The following DGKH variants were observed in gnomAD, a reference collection of about 807,000 sequenced individuals.
The protein encoded by DGKH is DAG kinase eta.
A neutral mutation model predicts 159.3 loss-of-function variants in DGKH; 90 were observed. The observed-to-expected ratio is 0.57, with a 90% CI of 0.48 to 0.67. DGKH has a LOEUF of 0.67. Among genes scored for constraint, DGKH ranks in the 30% least tolerant of loss-of-function variants. The pLI, the probability that DGKH is intolerant of heterozygous loss-of-function variation, is 0.00. For synonymous variants in DGKH, 536 were observed against 553.8 expected (o/e 0.97, Z 0.45); for missense variants, 1,181 against 1,506.1 (o/e 0.78, Z 3.57).
At chr13:42,101,879 AGT>A (rs1308314664) in intron 1 of DGKH, among the ~76,000 whole-genome samples, 5 of 152,172 alleles carry the variant, frequency 3.3e-5, no homozygotes, top group African/African-American at 1.2e-4. Context: ...TTGGAAGAAG[AGT>A]GTGTAGGAAG....
chr13:42,184,558 G>T (rs1380557126), intron 13 of DGKH, among the ~76,000 whole-genome samples: 1 of 152,080 alleles, frequency 6.6e-6, no homozygotes, highest in Non-Finnish European at 1.5e-5. Context: ...TAAAATGTTG[G>T]AAATGCCAAA....
chr13:42,238,326 C>T lies in DGKH; in HGVS notation c.*9138C>T, dbSNP rs554098637. ...AAGTTAAAATTAGTAGCATTTGTACCAGAGTAGATTATGGGTATTTTCATC... is the reference window on the plus strand; with the variant it reads ...AAGTTAAAATTAGTAGCATTTGTACTAGAGTAGATTATGGGTATTTTCATC... On this transcript the variant is annotated 3_prime_UTR_variant, in exon 30 of 30. Transcript: ENST00000337343. The T allele has an allele frequency of 2.7e-4, 41 of 152,016 alleles. No individual in the cohort carries two copies. Among genetic ancestry groups the T allele is most frequent in the African/African-American group, 9.2e-4 (38 of 41,486 alleles). 9.4% of individuals were successfully genotyped at this position (152,016 alleles called of 1,614,324 possible).
Position 42,159,263 on chromosome 13 carries a change from T to TTTTTTTTTTTTGTTTTTAA in DGKH, c.623-3_623-2insTTTTTTTTTTTGTTTTTAA. On this transcript the variant is annotated splice_polypyrimidine_tract_variant and splice_region_variant and intron_variant, in intron 5 of 29. Coordinates refer to ENST00000337343, the MANE Select transcript of DGKH (RefSeq NM_178009.5). Reference sequence around the variant, plus strand: ...GTTGCTCTTTTTTTTTTTTTTTTTTTAGTGTGTAAATTCAAGGCTCACAAA... The same window carrying TTTTTTTTTTTTGTTTTTAA: ...GTTGCTCTTTTTTTTTTTTTTTTTTTTTTTTTTTTTTGTTTTTAAAGTGTGTAAATTCAAGGCTCACAAA... 1 of 1,249,720 alleles carries TTTTTTTTTTTTGTTTTTAA rather than the reference T, an allele frequency of 8.0e-7. No individual in the cohort carries two copies. The highest frequency in any genetic ancestry group is 1.1e-6 in the Non-Finnish European group (1 of 894,574). 77.4% of individuals were successfully genotyped at this position (1,249,720 alleles called of 1,614,324 possible). A position where few individuals can be genotyped will look rare whatever the true frequency, so the allele number is the denominator to read the frequency against.
chr13:42,184,287 C>G (rs1956851671), intron 13 of DGKH, among the ~76,000 whole-genome samples: 1 of 152,068 alleles, frequency 6.6e-6, no homozygotes, highest in African/African-American at 2.4e-5. Flanking sequence ...GTCTGGGTAC[C>G]ATTGCCATAT....
At position 42,219,286 on chromosome 13, in the gene DGKH, G is replaced by C; in HGVS notation, c.3270G>C (p.Val1090=). Residue 1090 remains valine (V), a synonymous_variant, in exon 27 of 30, where the codon GTG becomes GTC. Transcript: ENST00000337343. ...CCAATGCCTTACACTCTGTGGAGGT[G>C]GAATTACAGAAACTGACAGAGATTC... ...RVSNALHSVE[V]ELQKLTEIPW... The C allele has an allele frequency of 6.2e-7, 1 of 1,613,866 alleles. No homozygotes were observed. Among genetic ancestry groups the C allele is most frequent in the Non-Finnish European group, 8.5e-7 (1 of 1,179,888 alleles).
intron 1 of DGKH, among the ~76,000 whole-genome samples, chr13:42,056,896 G>A (rs774751847): frequency 7.3e-5 from 11 of 150,572 alleles, no homozygotes; most frequent in Non-Finnish European, 1.3e-4. Context: ...GCCTTTATTC[G>A]TTTGTTTAAT....
chr13:42,244,812 G>T (rs868008441), downstream of DGKH, among the ~76,000 whole-genome samples: 2 of 144,322 alleles, frequency 1.4e-5, no homozygotes, highest in Non-Finnish European at 3.0e-5. Context: ...GCTGAGGCAG[G>T]AGAATGGCGT....
chr13:42,197,203 T>G (rs991955217), intron 17 of DGKH, among the ~76,000 whole-genome samples: 1 of 133,018 alleles, frequency 7.5e-6, no homozygotes. Flanking sequence ...TGATCTGAGA[T>G]CATGCTACTA....
chr13:42,095,986 T>A (rs183521169), intron 1 of DGKH, among the ~76,000 whole-genome samples: 26 of 152,370 alleles, frequency 1.7e-4, no homozygotes, highest in African/African-American at 6.0e-4. Flanking sequence ...CTTAATAGAA[T>A]TGAAAACTTT....
chr13:42,174,212 G>T, intron 12 of DGKH, 68 bp downstream of exon 12: 1 of 1,292,496 alleles, frequency 7.7e-7, no homozygotes, highest in Non-Finnish European at 1.1e-6. Flanking sequence ...AAAAGAAAGA[G>T]AGAGAAAATG....
intron 29 of DGKH, among the ~76,000 whole-genome samples, chr13:42,224,901 AAAAT>A: frequency 6.9e-6 from 1 of 144,254 alleles, no homozygotes; most frequent in Admixed American, 6.8e-5. Flanking sequence ...AAGGAAAAAA[AAAAT>A]ATATATATAT....
intron 7 of DGKH, among the ~76,000 whole-genome samples, chr13:42,161,660 A>G (rs1327022709): frequency 1.3e-5 from 2 of 151,990 alleles, no homozygotes; most frequent in Non-Finnish European, 2.9e-5. Flanking sequence ...GGCGCCTGTA[A>G]TCCCAGCTAC....
chr13:42,164,431 T>G (rs1956265159), intron 7 of DGKH, among the ~76,000 whole-genome samples: 1 of 152,208 alleles, frequency 6.6e-6, no homozygotes, highest in Admixed American at 6.5e-5. Flanking sequence ...TAAAAACAGG[T>G]CTTCACCAGA....
Position 42,241,116 on chromosome 13 carries a change from A to G in DGKH, c.*11928A>G, listed in dbSNP as rs1958506011. On this transcript the variant is annotated 3_prime_UTR_variant, in exon 30 of 30. Transcript: ENST00000337343. ...GACAGAGTGAGACTCTGTCTCAAAA[A>G]AAAGAAAAAAAATCAAAATAATTGT... The G allele has an allele frequency of 6.6e-6, 1 of 151,966 alleles. No individual in the cohort carries two copies. The highest frequency in any genetic ancestry group is 2.1e-4 in the South Asian group (1 of 4,824). 9.4% of individuals were successfully genotyped at this position (151,966 alleles called of 1,614,324 possible).
intron 1 of DGKH, among the ~76,000 whole-genome samples, chr13:42,055,616 T>C (rs1000417196): frequency 6.6e-6 from 1 of 152,240 alleles, no homozygotes. Flanking sequence ...ATAAAGGACG[T>C]GGGGCCCCGT....
intron 14 of DGKH, among the ~76,000 whole-genome samples, chr13:42,187,559 A>G (rs1956962879): frequency 6.6e-6 from 1 of 152,156 alleles, no homozygotes; most frequent in Admixed American, 6.5e-5. Flanking sequence ...TATTTCTAGT[A>G]GAGACGGGGT....
Position 42,229,329 on chromosome 13 carries a change from G to T in DGKH, c.*141G>T. The T allele has an allele frequency of 2.9e-6, 2 of 694,256 alleles. No homozygotes were observed. Among genetic ancestry groups the T allele is most frequent in the East Asian group, 3.2e-5 (1 of 31,346 alleles). 43.0% of individuals were successfully genotyped at this position (694,256 alleles called of 1,614,324 possible). A position where few individuals can be genotyped will look rare whatever the true frequency, so the allele number is the denominator to read the frequency against. Reference sequence around the variant, plus strand: ...CTCTGTGGCTTGATATTTTGCTGTGGGTGAAATTTTGATTTGAGGTATTAG... The same window carrying T: ...CTCTGTGGCTTGATATTTTGCTGTGTGTGAAATTTTGATTTGAGGTATTAG... On this transcript the variant is annotated 3_prime_UTR_variant, in exon 30 of 30. Coordinates refer to ENST00000337343, the MANE Select transcript of DGKH (RefSeq NM_178009.5).
At chr13:42,116,707 C>T (rs1227904552) in intron 1 of DGKH, among the ~76,000 whole-genome samples, 7 of 152,190 alleles carry the variant, frequency 4.6e-5, no homozygotes, top group Non-Finnish European at 4.4e-5. Flanking sequence ...GGAGCTTCCA[C>T]TTGTGACACA....
Position 42,187,030 on chromosome 13 carries a change from C to A in DGKH, c.1539-19C>A, listed in dbSNP as rs1384292954. The A allele has an allele frequency of 6.2e-7, 1 of 1,602,414 alleles. No homozygotes were observed. Among genetic ancestry groups the A allele is most frequent in the Admixed American group, 1.7e-5 (1 of 59,594 alleles). On this transcript the variant is annotated intron_variant, in intron 13 of 29. Transcript: ENST00000337343. ...AATTCATGAAGCTTACTAAATTGTA[C>A]AACTTCTTTTCCTCAAAGGACGCTA...
Sources: allele counts gnomAD v4.1 joint callset (sites outside exome capture counted in the v4.1 genomes callset), GRCh38; gene constraint gnomAD v4.1.1; transcripts MANE v1.5; gene names NCBI Gene and HGNC (gene_info 2026-07-23, HGNC 2026-07-21).